FER1L6: variants seen among roughly 807,000 people sequenced by gnomAD.
FER1L6 encodes the protein fer-1-like protein 6.
In FER1L6, 177 loss-of-function variants were observed where a neutral mutation model predicts 219.2. The observed-to-expected ratio is 0.81, with a 90% CI of 0.71 to 0.91. FER1L6 has a LOEUF of 0.91. Ranked by LOEUF, FER1L6 falls within the 40% of genes least tolerant of loss-of-function variation. The probability of loss-of-function intolerance (pLI) is 0.00; values close to 1 mark genes in which losing one functional copy is unlikely to be tolerated. For missense variants in FER1L6, 2,153 were observed against 2,259.9 expected (o/e 0.95, Z 0.96); for synonymous variants, 768 against 824.3 (o/e 0.93, Z 1.17).
At chr8:124,065,031 T>G (rs1304279069) in intron 26 of FER1L6, among the ~76,000 whole-genome samples, 1 of 152,200 alleles carries the variant, frequency 6.6e-6, no homozygotes, top group East Asian at 1.9e-4. Context: ...TAGTTAATCT[T>G]TCTAAATTAT....
At chr8:123,992,148 T>G (rs115583270) in intron 12 of FER1L6, among the ~76,000 whole-genome samples, 8,198 of 152,188 alleles carry the variant, frequency 0.054, 535 homozygotes, top group African/African-American at 0.16. Context: ...AGGGATATTG[T>G]TCTGTAGTTT....
intron 10 of FER1L6, among the ~76,000 whole-genome samples, chr8:123,979,805 T>C (rs1257262042): frequency 6.6e-6 from 1 of 152,172 alleles, no homozygotes; most frequent in African/African-American, 2.4e-5. Flanking sequence ...TTAAGACATA[T>C]GATTATGTCA....
At chr8:124,025,932 C>A (rs1297731901) in intron 18 of FER1L6, among the ~76,000 whole-genome samples, 3 of 152,178 alleles carry the variant, frequency 2.0e-5, no homozygotes, top group Non-Finnish European at 4.4e-5. Flanking sequence ...ATGAGTTAAT[C>A]TGTATTTTAA....
intron 1 of FER1L6, among the ~76,000 whole-genome samples, chr8:123,952,940 A>G (rs1260496568): frequency 6.6e-6 from 1 of 152,196 alleles, no homozygotes; most frequent in Non-Finnish European, 1.5e-5. Context: ...TTGGGTAAGA[A>G]ATGTCCTTGT....
At chr8:123,904,800 A>G (rs1425746954) in intron 1 of FER1L6, among the ~76,000 whole-genome samples, 1 of 152,248 alleles carries the variant, frequency 6.6e-6, no homozygotes, top group Admixed American at 6.5e-5. Flanking sequence ...CAGAGAAACA[A>G]GAAAGAAATG....
chr8:123,977,345 AGCTGGCTT>A, intron 9 of FER1L6, 64 bp from the exon 10 acceptor site: 1 of 1,437,542 alleles, frequency 7.0e-7, no homozygotes, highest in Non-Finnish European at 9.5e-7. Context: ...TTATACTTCC[AGCTGGCTT>A]GAAGAGTTTT....
intron 39 of FER1L6, among the ~76,000 whole-genome samples, chr8:124,105,707 T>C (rs184385216): frequency 3.1e-4 from 47 of 152,248 alleles, no homozygotes; most frequent in Admixed American, 2.9e-3. Flanking sequence ...ATTGTGAATG[T>C]CCATAGCAGC....
intron 27 of FER1L6, among the ~76,000 whole-genome samples, chr8:124,067,129 T>C (rs1390848679): frequency 1.3e-5 from 2 of 152,126 alleles, no homozygotes; most frequent in Non-Finnish European, 2.9e-5. Flanking sequence ...GGCAACTGGA[T>C]ATGGTAAGAT....
chr8:124,112,014 T>A (rs1043501273), intron 39 of FER1L6, among the ~76,000 whole-genome samples: 1 of 152,154 alleles, frequency 6.6e-6, no homozygotes, highest in Admixed American at 6.5e-5. Context: ...TTTCTCCTAA[T>A]AGGGTAGCAA....
intron 13 of FER1L6, among the ~76,000 whole-genome samples, chr8:124,004,617 T>C (rs572055033): frequency 1.3e-5 from 2 of 152,168 alleles, no homozygotes; most frequent in East Asian, 1.9e-4. Flanking sequence ...ACCAGGCTCA[T>C]TGTCTTCACA....
intron 15 of FER1L6, among the ~76,000 whole-genome samples, chr8:124,016,826 T>G (rs989156380): frequency 2.0e-5 from 3 of 152,220 alleles, no homozygotes; most frequent in Non-Finnish European, 2.9e-5. Flanking sequence ...CATATGATTA[T>G]GTAAACATAA....
At chr8:123,951,384 C>T (rs1814758559) in intron 1 of FER1L6, among the ~76,000 whole-genome samples, 1 of 152,162 alleles carries the variant, frequency 6.6e-6, no homozygotes, top group African/African-American at 2.4e-5. Flanking sequence ...ATAAGAAAAT[C>T]ATGGAGAGAG....
intron 32 of FER1L6, among the ~76,000 whole-genome samples, chr8:124,079,528 G>A (rs1821443856): frequency 6.6e-6 from 1 of 152,166 alleles, no homozygotes; most frequent in African/African-American, 2.4e-5. Flanking sequence ...CTATAGTCAA[G>A]TAGACACATG....
intron 39 of FER1L6, among the ~76,000 whole-genome samples, chr8:124,114,890 T>C (rs909924761): frequency 1.2e-4 from 13 of 111,042 alleles, no homozygotes; most frequent in Non-Finnish European, 1.8e-4. Context: ...GCAGTGTGTG[T>C]GTGCGTATAT....
At chr8:123,941,444 G>T (rs550059602) in intron 1 of FER1L6, among the ~76,000 whole-genome samples, 1 of 152,306 alleles carries the variant, frequency 6.6e-6, no homozygotes, top group South Asian at 2.1e-4. Context: ...GCATGTTCCA[G>T]TCGAGTCACT....
chr8:124,030,017 A>C (rs1297289943), intron 18 of FER1L6, among the ~76,000 whole-genome samples: 1 of 152,240 alleles, frequency 6.6e-6, no homozygotes, highest in African/African-American at 2.4e-5. Context: ...TTTATTAAAT[A>C]GGGAATTATT....
At position 123,986,191 on chromosome 8, in the gene FER1L6, G is replaced by A. The variant is rs767925450; in HGVS notation, c.1519+15G>A. 4.8e-6 allele frequency: 7 copies of A among 1,446,338 alleles called. No individual in the cohort carries two copies. The highest frequency in any genetic ancestry group is 6.8e-6 in the Non-Finnish European group (7 of 1,028,734). 89.6% of individuals were successfully genotyped at this position (1,446,338 alleles called of 1,614,324 possible). On this transcript the variant is annotated intron_variant, in intron 12 of 40. Transcript: ENST00000522917. ...AGTTTCTATTGGTAAGTACAGATAA[G>A]CACAGTGCCAGGCACATAGCATGGA...
Position 124,094,915 on chromosome 8 carries a change from T to C in FER1L6, c.4572T>C (p.Tyr1524=). The C allele has an allele frequency of 6.2e-7, 1 of 1,614,178 alleles. No individual in the cohort carries two copies. Among genetic ancestry groups the C allele is most frequent in the Non-Finnish European group, 8.5e-7 (1 of 1,179,996 alleles). ...CTGCAGATGAGACAGTGGAGTCTTA[T>C]GAACACCTGGCCCTCAAGGTTTTAC... is the stretch of plus-strand genomic sequence containing the variant. ...EEDTDETVES[Y]EHLALKVLHS... is the part of the protein sequence containing the mutation. Residue 1524 remains tyrosine (Y), a synonymous_variant, in exon 35 of 41, where the codon TAT becomes TAC. Transcript: ENST00000522917.
chr8:123,856,304 A>ATGTGTG (rs1315109039), intron 1 of FER1L6, among the ~76,000 whole-genome samples: 8 of 60,430 alleles, frequency 1.3e-4, no homozygotes, highest in South Asian at 7.3e-4. Context: ...ATATATATAT[A>ATGTGTG]TATATGTATG....
Sources: gnomAD v4.1 joint callset for allele counts (sites outside exome capture counted in the v4.1 genomes callset) on GRCh38, gnomAD v4.1.1 for gene constraint, MANE v1.5 for transcripts, NCBI Gene and HGNC (gene_info 2026-07-23, HGNC 2026-07-21) for gene names.